The following TTLL5 variants were observed in gnomAD, a reference collection of about 807,000 sequenced individuals.
TTLL5 encodes tubulin polyglutamylase TTLL5.
In TTLL5, 132 loss-of-function variants were observed where a neutral mutation model predicts 168.4. The ratio of observed to expected loss-of-function variants is 0.78; its 90% CI spans 0.68 to 0.91. TTLL5 has a LOEUF of 0.91. Among genes scored for constraint, TTLL5 ranks in the 40% least tolerant of loss-of-function variants. The pLI is 0.00. For missense variants in TTLL5, 1,545 were observed against 1,581.5 expected (o/e 0.98, Z 0.39); for synonymous variants, 546 against 558.6 (o/e 0.98, Z 0.32).
At chr14:75,666,239 A>G (rs981234439) in intron 2 of TTLL5, among the ~76,000 whole-genome samples, 12 of 152,248 alleles carry the variant, frequency 7.9e-5, no homozygotes, top group Non-Finnish European at 1.2e-4. Flanking sequence ...CCAAAGATGT[A>G]TATCCATGGA....
intron 30 of TTLL5, among the ~76,000 whole-genome samples, chr14:75,899,462 A>T (rs1295383370): frequency 4.6e-5 from 7 of 152,340 alleles, no homozygotes; most frequent in Non-Finnish European, 7.3e-5. Flanking sequence ...TTTACCCATA[A>T]TGTGCCTAAA....
At chr14:75,760,550 TA>T (rs1384044255) in intron 18 of TTLL5, among the ~76,000 whole-genome samples, 4 of 152,032 alleles carry the variant, frequency 2.6e-5, no homozygotes, top group African/African-American at 9.7e-5. Context: ...GAAAAAGACT[TA>T]ACGTACTTGA....
chr14:75,760,995 G>A (rs903511990), intron 18 of TTLL5, among the ~76,000 whole-genome samples: 3 of 152,026 alleles, frequency 2.0e-5, no homozygotes, highest in African/African-American at 7.2e-5. Context: ...ATCTGTCAAA[G>A]GATTGATATC....
At chr14:75,909,765 T>C (rs995813558) in intron 31 of TTLL5, among the ~76,000 whole-genome samples, 44 of 152,196 alleles carry the variant, frequency 2.9e-4, no homozygotes, top group African/African-American at 1.0e-3. Context: ...GTTACACAAG[T>C]GATGTTTTAA....
chr14:75,917,542 G>A (rs1443506541), intron 31 of TTLL5, among the ~76,000 whole-genome samples: 1 of 152,210 alleles, frequency 6.6e-6, no homozygotes, highest in East Asian at 1.9e-4. Flanking sequence ...GGGGATGCCT[G>A]GCAGTAGGGG....
intron 18 of TTLL5, among the ~76,000 whole-genome samples, chr14:75,762,283 T>C (rs958180916): frequency 6.6e-6 from 1 of 152,048 alleles, no homozygotes; most frequent in Non-Finnish European, 1.5e-5. Context: ...TAGTCTCAGC[T>C]ACCTGGGAGG....
At chr14:75,768,543 G>A (rs957931386) in intron 20 of TTLL5, among the ~76,000 whole-genome samples, 1 of 151,948 alleles carries the variant, frequency 6.6e-6, no homozygotes, top group African/African-American at 2.4e-5. Flanking sequence ...ATAGACTAAG[G>A]GGAAGGATTT....
At chr14:75,739,145 A>G (rs897618994) in intron 15 of TTLL5, among the ~76,000 whole-genome samples, 7 of 152,036 alleles carry the variant, frequency 4.6e-5, no homozygotes, top group African/African-American at 1.2e-4. Context: ...CTCATTATCA[A>G]TTTTAATTCC....
chr14:75,744,550 C>G (rs1023570896), intron 15 of TTLL5: 4 of 152,608 alleles, frequency 2.6e-5, no homozygotes, highest in Admixed American at 1.3e-4. Flanking sequence ...CAGCTCTTTT[C>G]TGTGTTACTG....
At chr14:75,693,852 A>C (rs1379861757) in intron 6 of TTLL5, among the ~76,000 whole-genome samples, 2 of 152,252 alleles carry the variant, frequency 1.3e-5, no homozygotes, top group African/African-American at 2.4e-5. Flanking sequence ...AGATGACTAG[A>C]TTTCAAAGCA....
chr14:75,679,053 T>C (rs1355536651), intron 3 of TTLL5, among the ~76,000 whole-genome samples: 1 of 152,222 alleles, frequency 6.6e-6, no homozygotes, highest in Non-Finnish European at 1.5e-5. Context: ...CTTTCTCTTG[T>C]GTGGTAGGCA....
intron 5 of TTLL5, among the ~76,000 whole-genome samples, chr14:75,685,971 T>G (rs1885014217): frequency 6.6e-6 from 1 of 152,178 alleles, no homozygotes; most frequent in Admixed American, 6.5e-5. Flanking sequence ...CATGCATTTT[T>G]TAGGAAGTTC....
intron 28 of TTLL5, among the ~76,000 whole-genome samples, chr14:75,853,938 A>G (rs940001719): frequency 6.6e-6 from 1 of 152,066 alleles, no homozygotes; most frequent in Admixed American, 6.6e-5. Context: ...CATCTGCTCA[A>G]GAGGCTGAGG....
In TTLL5 at chr14:75,669,538, C is replaced by T. The variant is rs1237582172; in HGVS notation, c.181+16C>T. On this transcript the variant is annotated intron_variant, in intron 3 of 31. Transcript: ENST00000298832. Reference sequence around the variant, plus strand: ...GTAATTGGAGGTGCGTATAACCTCTCCCACAGAGGACGGAGCTGGGCATGG... The same window carrying T: ...GTAATTGGAGGTGCGTATAACCTCTTCCACAGAGGACGGAGCTGGGCATGG... 1.9e-6 allele frequency: 3 copies of T among 1,607,254 alleles called. No homozygotes were observed. The highest frequency in any genetic ancestry group is 1.7e-5 in the Admixed American group (1 of 59,878).
intron 18 of TTLL5, among the ~76,000 whole-genome samples, chr14:75,761,702 G>T (rs1437662907): frequency 6.6e-6 from 1 of 152,210 alleles, no homozygotes; most frequent in Non-Finnish European, 1.5e-5. Context: ...GACTGGATAG[G>T]AGTGGGAAGG....
intron 11 of TTLL5, 64 bp downstream of exon 11, chr14:75,719,890 G>A (rs1305482513): frequency 2.0e-6 from 3 of 1,505,310 alleles, no homozygotes; most frequent in African/African-American, 2.8e-5. Flanking sequence ...ATTGTCTCTT[G>A]CCAGGAATCA....
At chr14:75,878,892 G>A (rs2031648629) in intron 29 of TTLL5, among the ~76,000 whole-genome samples, 1 of 152,054 alleles carries the variant, frequency 6.6e-6, no homozygotes, top group African/African-American at 2.4e-5. Flanking sequence ...TAACACACTA[G>A]GCACTGTTTA....
chr14:75,855,781 T>C (rs1897097770), intron 28 of TTLL5, among the ~76,000 whole-genome samples: 4 of 152,092 alleles, frequency 2.6e-5, no homozygotes. Context: ...GCAATTTGAG[T>C]TTCTCCAGGT....
intron 29 of TTLL5, among the ~76,000 whole-genome samples, chr14:75,878,967 T>G (rs2031652841): frequency 7.9e-6 from 1 of 126,114 alleles, no homozygotes; most frequent in Non-Finnish European, 1.6e-5. Flanking sequence ...GCCTATTTTG[T>G]TGTGTAGGAA....
Sources: allele counts gnomAD v4.1 joint callset (sites outside exome capture counted in the v4.1 genomes callset), GRCh38; gene constraint gnomAD v4.1.1; transcripts MANE v1.5; gene names NCBI Gene and HGNC (gene_info 2026-07-23, HGNC 2026-07-21).